Variants in RHPN2 observed in about 807,000 individuals in gnomAD.
The protein encoded by RHPN2 is rhophilin Rho GTPase binding protein 2, also known as rhophilin-2.
RHPN2 carries 40 observed loss-of-function variants against 79.0 expected under a neutral mutation model. That is an observed-to-expected ratio of 0.51 (90% CI 0.39 to 0.66). The LOEUF is 0.66. Ranked by LOEUF, RHPN2 falls within the 30% of genes least tolerant of loss-of-function variation. The probability of loss-of-function intolerance (pLI) is 0.00; values close to 1 mark genes in which losing one functional copy is unlikely to be tolerated. For missense variants in RHPN2, 686 were observed against 883.5 expected (o/e 0.78, Z 2.83); for synonymous variants, 285 against 363.5 (o/e 0.78, Z 2.46).
rs757517763 is a variant in RHPN2, at chr19:33,026,613, C to A, written c.205G>T (p.Val69Leu). The A allele has an allele frequency of 6.2e-7, 1 of 1,607,976 alleles. No individual in the cohort carries two copies. The highest frequency in any genetic ancestry group is 1.1e-5 in the South Asian group (1 of 91,074). The change falls in exon 3 of 15, where the codon GTG becomes TTG. Residue 69 changes from valine to leucine, a missense_variant. By Grantham distance (32) the Val-to-Leu change is conservative. Transcript: ENST00000254260. ...AGCTCCAGCCGCACTTGCTCCCGCA[C>A]CTTTGAGTTTGTGGCCACTCTGTTC... ...NLLKVATNSK[V>L]REQVRLELSF... is the part of the protein sequence containing the mutation.
intron 14 of RHPN2, among the ~76,000 whole-genome samples, chr19:32,980,560 A>G (rs185483381): frequency 6.6e-6 from 1 of 152,142 alleles, no homozygotes; most frequent in Non-Finnish European, 1.5e-5. Context: ...AGCTGAGATC[A>G]CACCACTGCA....
chr19:33,013,938 G>A (rs8107437), intron 4 of RHPN2, among the ~76,000 whole-genome samples: 56,156 of 151,312 alleles, frequency 0.37, 11,092 homozygotes, highest in Non-Finnish European at 0.46. Flanking sequence ...GCAGTGGTGC[G>A]ATCGCGGCTC....
chr19:33,008,483 G>A (rs2145235952), intron 6 of RHPN2, among the ~76,000 whole-genome samples: 1 of 151,440 alleles, frequency 6.6e-6, no homozygotes, highest in African/African-American at 2.4e-5. Context: ...TCAAACTCCT[G>A]GGTTGGCTGG....
In RHPN2 at chr19:33,061,139, C is replaced by T. The variant is rs1030617056; in HGVS notation, c.69+3645G>A. ...CCACACCCTGGGGGGGCCTACAAAG[C>T]ACTCACAAGTCCACAGCTCTGTCCA... On this transcript the variant is annotated intron_variant, in intron 1 of 14. Transcript: ENST00000254260. Among the ~76,000 whole-genome samples, 13 of 152,120 alleles carry T rather than the reference C, an allele frequency of 8.5e-5. No homozygotes were observed. The East Asian group carries it at 2.1e-3, about 25-fold the overall frequency.
chr19:33,000,625 G>A (rs1599812412), intron 9 of RHPN2, among the ~76,000 whole-genome samples: 1 of 151,976 alleles, frequency 6.6e-6, no homozygotes, highest in Non-Finnish European at 1.5e-5. Context: ...ACCCCTCTGC[G>A]GGCCTGCACA....
chr19:32,988,048 A>G (rs577192304), intron 14 of RHPN2, among the ~76,000 whole-genome samples: 1 of 152,080 alleles, frequency 6.6e-6, no homozygotes, highest in African/African-American at 2.4e-5. Context: ...TAGATAAACA[A>G]ATTAGCCAGG....
chr19:33,049,728 C>T (rs74897192), intron 1 of RHPN2, among the ~76,000 whole-genome samples: 2,044 of 152,226 alleles, frequency 0.013, 46 homozygotes, highest in African/African-American at 0.046. Context: ...CTCCTGGGGT[C>T]GGCCCGCTTA....
chr19:33,043,254 A>G (rs182981567), intron 2 of RHPN2, among the ~76,000 whole-genome samples: 1 of 152,130 alleles, frequency 6.6e-6, no homozygotes, highest in Admixed American at 6.6e-5. Context: ...AAAAAAAAGA[A>G]AAAAGGTGGC....
intron 1 of RHPN2, among the ~76,000 whole-genome samples, chr19:33,053,673 T>C (rs1427920045): frequency 6.6e-6 from 1 of 151,758 alleles, no homozygotes; most frequent in African/African-American, 2.4e-5. Flanking sequence ...CCACCTGCCT[T>C]GGCCTCCAAA....
intron 2 of RHPN2, among the ~76,000 whole-genome samples, chr19:33,042,881 C>A (rs1285463719): frequency 6.6e-6 from 1 of 151,988 alleles, no homozygotes; most frequent in Non-Finnish European, 1.5e-5. Flanking sequence ...GAGTTCGAGA[C>A]CAGCCTGGCC....
At chr19:33,015,394 CAGCTTGGATGACAG>C (rs1474941286) in intron 4 of RHPN2, among the ~76,000 whole-genome samples, 1 of 151,872 alleles carries the variant, frequency 6.6e-6, no homozygotes, top group African/African-American at 2.4e-5. Context: ...CATTGCACTC[CAGCTTGGATGACAG>C]AGCGAGACTT....
chr19:33,019,043 A>T (rs1350694250), intron 4 of RHPN2, among the ~76,000 whole-genome samples: 2 of 142,220 alleles, frequency 1.4e-5, no homozygotes, highest in Admixed American at 1.4e-4. Context: ...AAAAAAAAAA[A>T]AAAAGAAAGA....
At position 33,020,158 on chromosome 19, in the gene RHPN2, G is replaced by A. The variant is rs764708897; in HGVS notation, c.390+1413C>T. ...CAGTGCCAGGCACAGGTGGGCTTAT[G>A]AGGATCTGCAAATGGGAGAGGAGTC... is the stretch of plus-strand genomic sequence containing the variant. On this transcript the variant is annotated intron_variant, in intron 4 of 14. Coordinates refer to ENST00000254260, the MANE Select transcript of RHPN2 (RefSeq NM_033103.5). Among the ~76,000 whole-genome samples, 216 of 152,146 alleles carry A rather than the reference G, an allele frequency of 1.4e-3. 1 individual carries two copies. The highest frequency in any genetic ancestry group is 2.4e-3 in the Non-Finnish European group (162 of 68,030).
intron 14 of RHPN2, among the ~76,000 whole-genome samples, chr19:32,980,747 G>T (rs989473630): frequency 6.6e-6 from 1 of 152,142 alleles, no homozygotes; most frequent in African/African-American, 2.4e-5. Flanking sequence ...TTAAACTCCT[G>T]GGCTCAAGCG....
chr19:33,056,040 C>T (rs1329512895), intron 1 of RHPN2, among the ~76,000 whole-genome samples: 1 of 151,826 alleles, frequency 6.6e-6, no homozygotes, highest in Non-Finnish European at 1.5e-5. Flanking sequence ...CATTTTGGGC[C>T]TTTCAATGGC....
At chr19:33,041,380 G>A (rs1446188255) in intron 2 of RHPN2, among the ~76,000 whole-genome samples, 1 of 152,170 alleles carries the variant, frequency 6.6e-6, no homozygotes, top group African/African-American at 2.4e-5. Flanking sequence ...TTGGCAAAAT[G>A]CCCTATTTGT....
In RHPN2 at chr19:33,051,658, A is replaced by G. The variant is rs151098791; in HGVS notation, c.70-7294T>C. On this transcript the variant is annotated intron_variant, in intron 1 of 14. Transcript: ENST00000254260. ...GGTGAAATCTGTTCAGTGAACAGAC[A>G]GATCACAGCTACAGTGACATTTCTG... 1,500 of 197,932 alleles carry G rather than the reference A, an allele frequency of 7.6e-3. 25 individuals are homozygous for G. Among genetic ancestry groups the G allele is most frequent in the African/African-American group, 0.034 (1,436 of 41,930 alleles). 12.3% of individuals were successfully genotyped at this position (197,932 alleles called of 1,614,324 possible). A position where few individuals can be genotyped will look rare whatever the true frequency, so the allele number is the denominator to read the frequency against.
chr19:32,979,811 T>C lies in RHPN2; in HGVS notation c.*185A>G. On this transcript the variant is annotated 3_prime_UTR_variant, in exon 15 of 15. Transcript: ENST00000254260. ...GTAACACACCTCAAAAAAGTTCTTT[T>C]TTCACTAATTCCTAGAGGTTTCTTG... 1 of 696,132 alleles carries C rather than the reference T, an allele frequency of 1.4e-6. No individual in the cohort carries two copies. Among genetic ancestry groups the C allele is most frequent in the South Asian group, 2.0e-5 (1 of 50,730 alleles). The allele number at this position is 696,132 out of a possible 1,614,324, so 43.1% of individuals were successfully genotyped here. A position where few individuals can be genotyped will look rare whatever the true frequency, so the allele number is the denominator to read the frequency against.
At chr19:33,039,516 C>G (rs767898336) in intron 2 of RHPN2, among the ~76,000 whole-genome samples, 27 of 152,088 alleles carry the variant, frequency 1.8e-4, no homozygotes, top group Non-Finnish European at 3.1e-4. Context: ...TACTATCCCC[C>G]CTCTGAAACG....
Sources: allele counts gnomAD v4.1 joint callset (sites outside exome capture counted in the v4.1 genomes callset), GRCh38; gene constraint gnomAD v4.1.1; transcripts MANE v1.5; gene names NCBI Gene and HGNC (gene_info 2026-07-23, HGNC 2026-07-21).